The following VCPIP1 variants were observed in gnomAD, a reference collection of about 807,000 sequenced individuals.
VCPIP1 encodes valosin containing protein interacting protein 1, also known as deubiquitinating protein VCPIP1.
VCPIP1 carries 8 observed loss-of-function variants against 85.0 expected under a neutral mutation model. That is an observed-to-expected ratio of 0.09 (90% confidence interval 0.06 to 0.17). The LOEUF (loss-of-function observed/expected upper bound fraction) is 0.17, where lower values mean the gene tolerates loss of function less well. Among genes scored for constraint, VCPIP1 ranks in the 10% least tolerant of loss-of-function variants. The pLI, the probability that VCPIP1 is intolerant of heterozygous loss-of-function variation, is 1.00. For missense variants in VCPIP1, 1,070 were observed against 1,486.3 expected (o/e 0.72, Z 4.61); for synonymous variants, 543 against 544.5 (o/e 1.00, Z 0.04).
At position 66,664,802 on chromosome 8, in the gene VCPIP1, A is replaced by G. The variant is rs1242100693; in HGVS notation, c.2157T>C (p.Asn719=). ...MSKTERTIQQ[N]ITEQASVMQK... ...GCATTACAGAAGCCTGTTCCGTAAT[A>G]TTCTGTTGAATAGTTCTTTCAGTTT... The change falls in exon 1 of 3, where the codon AAT becomes AAC. Residue 719 remains asparagine, a synonymous_variant. Transcript: ENST00000310421. 6.2e-7 allele frequency: 1 copy of G among 1,612,422 alleles called. No individual in the cohort carries two copies. The highest frequency in any genetic ancestry group is 1.7e-5 in the Admixed American group (1 of 59,458).
chr8:66,660,727 A>AG (rs1260903017), intron 1 of VCPIP1, among the ~76,000 whole-genome samples: 2 of 152,176 alleles, frequency 1.3e-5, no homozygotes, highest in East Asian at 3.8e-4. Context: ...TGAATTTTGT[A>AG]GGAACATCTT....
At chr8:66,661,765 ATTT>A (rs113453783) in intron 1 of VCPIP1, among the ~76,000 whole-genome samples, 2 of 135,952 alleles carry the variant, frequency 1.5e-5, no homozygotes, top group African/African-American at 2.7e-5. Context: ...TACCGATCAG[ATTT>A]TTTTTTTTTT....
At chr8:66,655,376 C>T (rs997123050) in intron 1 of VCPIP1, among the ~76,000 whole-genome samples, 4 of 152,286 alleles carry the variant, frequency 2.6e-5, no homozygotes, top group South Asian at 4.1e-4. Context: ...CCTGAAGCTA[C>T]GGTTTTAATT....
intron 2 of VCPIP1, among the ~76,000 whole-genome samples, chr8:66,642,215 TG>T (rs1191758133): frequency 1.3e-5 from 2 of 152,230 alleles, no homozygotes; most frequent in African/African-American, 2.4e-5. Flanking sequence ...TCTTTTCACG[TG>T]TGATTGGCCA....
At chr8:66,639,055 G>A (rs1369410550) in intron 2 of VCPIP1, among the ~76,000 whole-genome samples, 3 of 149,172 alleles carry the variant, frequency 2.0e-5, no homozygotes, top group Non-Finnish European at 4.4e-5. Context: ...TGTGATCATG[G>A]CTCACCATGG....
chr8:66,662,934 G>A (rs932175043), intron 1 of VCPIP1, among the ~76,000 whole-genome samples: 4 of 151,782 alleles, frequency 2.6e-5, no homozygotes, highest in African/African-American at 4.8e-5. Flanking sequence ...TTGAAACCCC[G>A]TCTCTACTAA....
chr8:66,635,397 C>T, intron 2 of VCPIP1, 25 bp from the exon 3 acceptor site: 1 of 1,566,754 alleles, frequency 6.4e-7, no homozygotes, highest in Non-Finnish European at 8.6e-7. Context: ...AGATATTTAA[C>T]ATATTAAAAT....
In VCPIP1 at chr8:66,651,480, G is replaced by A. The variant is rs1450398399; in HGVS notation, c.2775C>T (p.Tyr925=). ...PHMFQQGGVF[Y]SIMKKTMGMA... ...TACCCATGGTTTTCTTCATAATACTGTAGAATACACCACCCTGCTGAAACA... is the reference window on the plus strand; with the variant it reads ...TACCCATGGTTTTCTTCATAATACTATAGAATACACCACCCTGCTGAAACA... The change falls in exon 2 of 3, where the codon TAC becomes TAT. Residue 925 remains tyrosine, a synonymous_variant. Coordinates refer to ENST00000310421, the MANE Select transcript of VCPIP1 (RefSeq NM_025054.5). The A allele has an allele frequency of 1.9e-6, 3 of 1,612,844 alleles. No homozygotes were observed. The highest frequency in any genetic ancestry group is 1.7e-6 in the Non-Finnish European group (2 of 1,179,640).
chr8:66,661,115 G>C (rs1467380004), intron 1 of VCPIP1, among the ~76,000 whole-genome samples: 2 of 152,084 alleles, frequency 1.3e-5, no homozygotes. Context: ...ATTTATAAGG[G>C]ACTAATATAA....
chr8:66,647,041 G>T (rs1191117176), intron 2 of VCPIP1, among the ~76,000 whole-genome samples: 1 of 150,502 alleles, frequency 6.6e-6, no homozygotes, highest in Non-Finnish European at 1.5e-5. Context: ...AAATAAATAA[G>T]TAAATTAAAT....
intron 1 of VCPIP1, among the ~76,000 whole-genome samples, chr8:66,653,965 G>A (rs1811076195): frequency 6.6e-6 from 1 of 152,110 alleles, no homozygotes; most frequent in Non-Finnish European, 1.5e-5. Context: ...ATTGCTTTAA[G>A]GGAAATACCA....
Position 66,665,462 on chromosome 8 carries a change from A to G in VCPIP1, c.1497T>C (p.His499=). 3.7e-6 allele frequency: 6 copies of G among 1,614,232 alleles called. No individual in the cohort carries two copies. The highest frequency in any genetic ancestry group is 5.1e-6 in the Non-Finnish European group (6 of 1,180,044). ...AATTTTTGTCAGTCCTCAGCTGTCC[A>G]TGAGTACTTTTTGCCAGGTTATACA... The part of the protein sequence containing the change: ...GKLYNLAKST[H]GQLRTDKNYS... Residue 499 remains histidine, a synonymous_variant, in exon 1 of 3, where the codon CAT becomes CAC. Coordinates refer to ENST00000310421, the MANE Select transcript of VCPIP1 (RefSeq NM_025054.5). The surrounding 1 kb of genome is among the most constrained non-coding windows in gnomAD (Gnocchi z 4.3).
At chr8:66,659,792 C>T (rs1811138332) in intron 1 of VCPIP1, among the ~76,000 whole-genome samples, 1 of 151,904 alleles carries the variant, frequency 6.6e-6, no homozygotes, top group Non-Finnish European at 1.5e-5. Flanking sequence ...ATTAGCTGGG[C>T]GTGGTGGTGC....
Position 66,666,638 on chromosome 8 carries a change from C to T in VCPIP1, c.321G>A (p.Thr107=), listed in dbSNP as rs1180145670. Residue 107 remains threonine, a synonymous_variant, in exon 1 of 3, where the codon ACG becomes ACA. Coordinates refer to ENST00000310421, the MANE Select transcript of VCPIP1 (RefSeq NM_025054.5). The surrounding 1 kb of genome is among the most constrained non-coding windows in gnomAD (Gnocchi z 6.3). Reference sequence around the variant, plus strand: ...GTTCCGTGTTCTTCTTGGGTGCCCCCGTAACCCCGAGCAGCGCGTTCCGCA... The same window carrying T: ...GTTCCGTGTTCTTCTTGGGTGCCCCTGTAACCCCGAGCAGCGCGTTCCGCA... The part of the protein sequence containing the change: ...NLLRNALLGV[T]GAPKKNTELV... The T allele has an allele frequency of 2.5e-6, 4 of 1,614,164 alleles. No homozygotes were observed. The highest frequency in any genetic ancestry group is 1.7e-5 in the Admixed American group (1 of 60,022).
chr8:66,666,917 TGGCGGCGGCAACGGAGGC>T lies in VCPIP1; in HGVS notation c.24_41del (p.Leu11_Pro16del), dbSNP rs76957378. The T allele has an allele frequency of 5.4e-5, 86 of 1,588,234 alleles. No individual in the cohort carries two copies. Among genetic ancestry groups the T allele is most frequent in the Non-Finnish European group, 7.0e-5 (82 of 1,172,440 alleles). ...TCTGTGGAGCCTCAGGGGGAGGAGG[TGGCGGCGGCAACGGAGGC>T]GGCGGCGGCGGCGGCTGAGACATAG... On this transcript the variant is annotated inframe_deletion, in exon 1 of 3. Coordinates refer to ENST00000310421, the MANE Select transcript of VCPIP1 (RefSeq NM_025054.5). This position sits in a 1 kb window ranked among gnomAD's most constrained non-coding sequence, Gnocchi z 6.3.
intron 1 of VCPIP1, among the ~76,000 whole-genome samples, chr8:66,655,677 TA>T (rs1352764236): frequency 6.6e-6 from 1 of 151,764 alleles, no homozygotes; most frequent in Non-Finnish European, 1.5e-5. Flanking sequence ...AAGAATCTAA[TA>T]AAACAAAATA....
In VCPIP1 at chr8:66,628,631, A is replaced by G. The variant is rs540121646; in HGVS notation, c.*5870T>C. 2.0e-5 allele frequency: 3 copies of G among 152,356 alleles called. No individual in the cohort carries two copies. Among genetic ancestry groups the G allele is most frequent in the African/African-American group, 7.2e-5 (3 of 41,574 alleles). The allele number at this position is 152,356 out of a possible 1,614,324, so 9.4% of individuals were successfully genotyped here. On this transcript the variant is annotated 3_prime_UTR_variant, in exon 3 of 3. Coordinates refer to ENST00000310421, the MANE Select transcript of VCPIP1 (RefSeq NM_025054.5). ...AAGTAGGATGTTTATCTTATTTACTAAAGAGTTTTTGAGAATTCTATTCTG... is the reference window on the plus strand; with the variant it reads ...AAGTAGGATGTTTATCTTATTTACTGAAGAGTTTTTGAGAATTCTATTCTG...
chr8:66,664,152 C>T (rs1293785968), intron 1 of VCPIP1, 97 bp downstream of exon 1: 1 of 1,363,138 alleles, frequency 7.3e-7, no homozygotes, highest in Non-Finnish European at 9.6e-7. Context: ...TAAAAACTTA[C>T]AATGGCTACA....
In VCPIP1 at chr8:66,630,468, A is replaced by G. The variant is rs1036039587; in HGVS notation, c.*4033T>C. ...CTTGCATTGCTCTACCACAGGCATA[A>G]TAAGGGCTCAGGACGAGATTTCTGC... On this transcript the variant is annotated 3_prime_UTR_variant, in exon 3 of 3. Transcript: ENST00000310421. 1 of 152,624 alleles carries G rather than the reference A, an allele frequency of 6.6e-6. No individual in the cohort carries two copies. Among genetic ancestry groups the G allele is most frequent in the Non-Finnish European group, 1.5e-5 (1 of 68,040 alleles). The allele number at this position is 152,624 out of a possible 1,614,324, so 9.5% of individuals were successfully genotyped here.
Sources: allele counts gnomAD v4.1 joint callset (sites outside exome capture counted in the v4.1 genomes callset), GRCh38; gene constraint gnomAD v4.1.1; non-coding constraint Gnocchi (gnomAD v3.1); transcripts MANE v1.5; gene names NCBI Gene and HGNC (gene_info 2026-07-23, HGNC 2026-07-21).